RAB31: variants seen among roughly 807,000 people sequenced by gnomAD.
RAB31 encodes the protein RAB31, member RAS oncogene family, also known as ras-related protein Rab-31.
A neutral mutation model predicts 25.6 loss-of-function variants in RAB31; 21 were observed. That is an observed-to-expected ratio of 0.82 (90% CI 0.58 to 1.18). The LOEUF (loss-of-function observed/expected upper bound fraction) is 1.18, where lower values mean the gene tolerates loss of function less well. Ranked by LOEUF, RAB31 falls within the 50% of genes most tolerant of loss-of-function variation. The probability of loss-of-function intolerance (pLI) is 0.00; values close to 1 mark genes in which losing one functional copy is unlikely to be tolerated. For missense variants in RAB31, 196 were observed against 250.1 expected (o/e 0.78, Z 1.46); for synonymous variants, 87 against 84.0 (o/e 1.04, Z -0.20).
chr18:9,762,574 T>A (rs1194436009), intron 1 of RAB31, among the ~76,000 whole-genome samples: 1 of 152,174 alleles, frequency 6.6e-6, no homozygotes, highest in Non-Finnish European at 1.5e-5. Flanking sequence ...TGGTAATTAT[T>A]ATTTTTTTTT....
chr18:9,837,186 G>A (rs1349824365), intron 5 of RAB31, among the ~76,000 whole-genome samples: 1 of 152,140 alleles, frequency 6.6e-6, no homozygotes, highest in Non-Finnish European at 1.5e-5. Context: ...AACATGAGAA[G>A]TGTCAGTTTG....
intron 1 of RAB31, among the ~76,000 whole-genome samples, chr18:9,729,304 G>A (rs1227844407): frequency 6.6e-6 from 1 of 152,068 alleles, no homozygotes; most frequent in Non-Finnish European, 1.5e-5. Flanking sequence ...GAGGCGGGCG[G>A]ATCACGAGGG....
At chr18:9,713,772 G>C (rs1406678125) in intron 1 of RAB31, among the ~76,000 whole-genome samples, 2 of 152,196 alleles carry the variant, frequency 1.3e-5, no homozygotes, top group African/African-American at 4.8e-5. Context: ...TCTGGAGGTT[G>C]GGAAGTCTAA....
intron 5 of RAB31, among the ~76,000 whole-genome samples, chr18:9,839,502 T>C (rs1427873778): frequency 6.6e-6 from 1 of 151,988 alleles, no homozygotes; most frequent in East Asian, 1.9e-4. Flanking sequence ...GGTGTCCCTG[T>C]GAGAAGCGAA....
At chr18:9,844,804 A>G (rs1167814112) in intron 5 of RAB31, 1 of 152,136 alleles carries the variant, frequency 6.6e-6, no homozygotes, top group East Asian at 1.9e-4. Context: ...AGCTTCCAAG[A>G]TCAGATGAAA....
intron 1 of RAB31, among the ~76,000 whole-genome samples, chr18:9,742,295 C>T (rs1453785561): frequency 6.6e-6 from 1 of 152,218 alleles, no homozygotes; most frequent in Admixed American, 6.5e-5. Context: ...CAAACTTCTA[C>T]TGCTTCCTAC....
intron 3 of RAB31, among the ~76,000 whole-genome samples, chr18:9,813,620 G>A (rs1186179144): frequency 6.6e-6 from 1 of 152,168 alleles, no homozygotes; most frequent in East Asian, 1.9e-4. Context: ...GGGAGGCTGA[G>A]GCAGGTGGAC....
At chr18:9,798,330 C>T (rs562653952) in intron 3 of RAB31, among the ~76,000 whole-genome samples, 2,846 of 152,212 alleles carry the variant, frequency 0.019, 99 homozygotes, top group African/African-American at 0.065. Context: ...TTGCATCTCT[C>T]CAGTAATGGC....
chr18:9,739,309 C>G (rs946481906), intron 1 of RAB31, among the ~76,000 whole-genome samples: 3 of 152,026 alleles, frequency 2.0e-5, no homozygotes, highest in African/African-American at 7.2e-5. Flanking sequence ...TCCGTCTCTA[C>G]TAAAAATAAA....
intron 1 of RAB31, among the ~76,000 whole-genome samples, chr18:9,747,973 T>C (rs751351520): frequency 1.3e-5 from 2 of 152,200 alleles, no homozygotes; most frequent in Non-Finnish European, 2.9e-5. Context: ...ACATGGCACA[T>C]ATAACACCTA....
chr18:9,770,412 C>T (rs2068338446), intron 1 of RAB31, among the ~76,000 whole-genome samples: 1 of 152,026 alleles, frequency 6.6e-6, no homozygotes, highest in South Asian at 2.1e-4. Flanking sequence ...TGGCAGCAGC[C>T]AAAACTTTGT....
In RAB31 at chr18:9,792,250, T is replaced by C. The variant is rs1303113378; in HGVS notation, c.201+15T>C. 5 of 1,603,062 alleles carry C rather than the reference T, an allele frequency of 3.1e-6. No homozygotes were observed. Among genetic ancestry groups the C allele is most frequent in the East Asian group, 4.5e-5 (2 of 44,678 alleles). ...GTCAGGAACGGGTGAGTATATGCTG[T>C]TTTTTGGTGAAAACAAGATCCAGTG... On this transcript the variant is annotated intron_variant, in intron 3 of 6. Coordinates refer to ENST00000578921, the MANE Select transcript of RAB31 (RefSeq NM_006868.4).
In RAB31 at chr18:9,766,194, T is replaced by C. The variant is rs2068315029; in HGVS notation, c.40-9084T>C. Among the ~76,000 whole-genome samples, 1 of 152,122 alleles carries C rather than the reference T, an allele frequency of 6.6e-6. No individual in the cohort carries two copies. Among genetic ancestry groups the C allele is most frequent in the Admixed American group, 6.5e-5 (1 of 15,270 alleles). On this transcript the variant is annotated intron_variant, in intron 1 of 6. Coordinates refer to ENST00000578921, the MANE Select transcript of RAB31 (RefSeq NM_006868.4). The surrounding 1 kb of genome is among the most constrained non-coding windows in gnomAD (Gnocchi z 4.3). ...GAGTAGCCATCCAGTAACCCTGGCCTGGATTGCTAAGGCCAGGGCCCGGGA... is the reference window on the plus strand; with the variant it reads ...GAGTAGCCATCCAGTAACCCTGGCCCGGATTGCTAAGGCCAGGGCCCGGGA...
At chr18:9,790,069 A>AC (rs1479467544) in intron 2 of RAB31, among the ~76,000 whole-genome samples, 1 of 152,014 alleles carries the variant, frequency 6.6e-6, no homozygotes, top group Non-Finnish European at 1.5e-5. Context: ...AAGGTGAAGA[A>AC]CCCCTGACTC....
Position 9,708,475 on chromosome 18 carries a change from C to T in RAB31, c.39+31C>T, listed in dbSNP as rs1171201912. Reference sequence around the variant, plus strand: ...TCCTGGCCGCCACCCGCCGGCGGACCCCGGCCCGCGCTCTCGCGCCCCTTC... The same window carrying T: ...TCCTGGCCGCCACCCGCCGGCGGACTCCGGCCCGCGCTCTCGCGCCCCTTC... On this transcript the variant is annotated intron_variant, in intron 1 of 6. Transcript: ENST00000578921. The surrounding 1 kb of genome is among the most constrained non-coding windows in gnomAD (Gnocchi z 6.4). The T allele has an allele frequency of 6.5e-6, 10 of 1,542,176 alleles. No individual in the cohort carries two copies. In the African/African-American group the frequency reaches 1.1e-4, roughly 18 times the overall value.
chr18:9,845,780 CTTTTCCTCTGTGTG>C (rs2143136000), intron 6 of RAB31, 89 bp downstream of exon 6: 6 of 1,426,044 alleles, frequency 4.2e-6, no homozygotes, highest in Middle Eastern at 2.2e-4. Context: ...CTGAAGTGAA[CTTTTCCTCTGTGTG>C]AATTTATCGG....
chr18:9,858,034 A>G (rs771909577), intron 6 of RAB31, among the ~76,000 whole-genome samples: 17 of 152,182 alleles, frequency 1.1e-4, no homozygotes, highest in Non-Finnish European at 2.4e-4. Flanking sequence ...TGTCTCAAGA[A>G]TAAAACAAAA....
rs749599191 is a variant in RAB31 at position 9,766,807 on chromosome 18, A to G, written c.40-8471A>G. 6.6e-6 allele frequency among the ~76,000 whole-genome samples: 1 copy of G among 152,142 alleles called. No individual in the cohort carries two copies. The highest frequency in any genetic ancestry group is 2.4e-5 in the African/African-American group (1 of 41,438). On this transcript the variant is annotated intron_variant, in intron 1 of 6. Coordinates refer to ENST00000578921, the MANE Select transcript of RAB31 (RefSeq NM_006868.4). This position sits in a 1 kb window ranked among gnomAD's most constrained non-coding sequence, Gnocchi z 4.3. ...ATCTCTACCAAAATAAAAATAAAAA[A>G]TTAGCCTAGCATGGTGGTGTGCACC...
chr18:9,799,616 C>T (rs2068503842), intron 3 of RAB31, among the ~76,000 whole-genome samples: 1 of 152,132 alleles, frequency 6.6e-6, no homozygotes, highest in Non-Finnish European at 1.5e-5. Context: ...CCCGCCTCAG[C>T]CTCCAGAGTA....
Sources: gnomAD v4.1 joint callset for allele counts (sites outside exome capture counted in the v4.1 genomes callset) on GRCh38, gnomAD v4.1.1 for gene constraint, Gnocchi (gnomAD v3.1) non-coding constraint, MANE v1.5 for transcripts, NCBI Gene and HGNC (gene_info 2026-07-23, HGNC 2026-07-21) for gene names.